SLC44A5: variants seen among roughly 807,000 people sequenced by gnomAD.
The protein encoded by SLC44A5 is solute carrier family 44 member 5, also known as choline transporter-like protein 5.
SLC44A5 carries 57 observed loss-of-function variants against 101.8 expected under a neutral mutation model. That is an observed-to-expected ratio of 0.56 (90% confidence interval 0.45 to 0.70). The LOEUF (loss-of-function observed/expected upper bound fraction) is 0.70, where lower values mean the gene tolerates loss of function less well. Among genes scored for constraint, SLC44A5 ranks in the 30% least tolerant of loss-of-function variants. The pLI is 0.00. For missense variants in SLC44A5, 737 were observed against 853.1 expected (o/e 0.86, Z 1.70); for synonymous variants, 281 against 290.9 (o/e 0.97, Z 0.35).
chr1:75,711,710 T>C, the SLC44A5 span, among the ~76,000 whole-genome samples: 3 of 152,148 alleles, frequency 2.0e-5, no homozygotes, highest in Non-Finnish European at 2.9e-5. Flanking sequence ...AGGCAAGAGA[T>C]GTGGGGGTAC....
chr1:75,494,339 T>A (rs1668565940), intron 2 of SLC44A5, among the ~76,000 whole-genome samples: 1 of 152,108 alleles, frequency 6.6e-6, no homozygotes, highest in Non-Finnish European at 1.5e-5. Flanking sequence ...CCTCCAATGA[T>A]AAAATCAAAC....
chr1:75,659,448 G>GGGAAA, the SLC44A5 span, among the ~76,000 whole-genome samples: 1 of 17,436 alleles, frequency 5.7e-5, no homozygotes, highest in Non-Finnish European at 1.5e-4. Context: ...AGGGAGGGAA[G>GGGAAA]GAAGGAAGGA....
the SLC44A5 span, among the ~76,000 whole-genome samples, chr1:75,672,519 C>A: frequency 6.6e-6 from 1 of 152,278 alleles, no homozygotes; most frequent in Middle Eastern, 3.4e-3. Context: ...GAAAGACAGT[C>A]TAGGCCACAA....
At position 75,588,262 on chromosome 1, in the gene SLC44A5, G is replaced by C. The variant is rs138651627; in HGVS notation, c.-70+22778C>G. On this transcript the variant is annotated intron_variant, in intron 1 of 23. Transcript: ENST00000370859. ...AAGGAAGGAGTGAAGGAGGGAAGGAGGGGGGAGGAAGGGAGGTGGGGAGGA... is the reference window on the plus strand; with the variant it reads ...AAGGAAGGAGTGAAGGAGGGAAGGACGGGGGAGGAAGGGAGGTGGGGAGGA... Among the ~76,000 whole-genome samples, 703 of 148,256 alleles carry C rather than the reference G, an allele frequency of 4.7e-3. 8 individuals carry two copies. The highest frequency in any genetic ancestry group is 0.014 in the African/African-American group (572 of 40,286).
chr1:75,666,563 G>A, the SLC44A5 span, among the ~76,000 whole-genome samples: 1 of 152,180 alleles, frequency 6.6e-6, no homozygotes, highest in Non-Finnish European at 1.5e-5. Flanking sequence ...AATAGAAAAA[G>A]AGGGAATCCT....
rs1373047854 is a variant in SLC44A5 at position 75,505,518 on chromosome 1, T to A, written c.13+35917A>T. 2.6e-5 allele frequency among the ~76,000 whole-genome samples: 4 copies of A among 152,142 alleles called. No individual in the cohort carries two copies. The East Asian group carries it at 7.7e-4, about 29-fold the overall frequency. On this transcript the variant is annotated intron_variant, in intron 2 of 23. Coordinates refer to ENST00000370859, the MANE Select transcript of SLC44A5 (RefSeq NM_001130058.2). ...TTCTCTGCAGCCTCACCATCATCTG[T>A]TATTTTTGGTCTTTTCAATAAGTCA...
At chr1:75,283,142 T>C (rs996923156) in intron 5 of SLC44A5, among the ~76,000 whole-genome samples, 3 of 147,818 alleles carry the variant, frequency 2.0e-5, no homozygotes, top group African/African-American at 7.6e-5. Flanking sequence ...AATATTCCCT[T>C]TTCATCACAT....
At chr1:75,310,193 T>C (rs1655193416) in intron 4 of SLC44A5, among the ~76,000 whole-genome samples, 1 of 152,242 alleles carries the variant, frequency 6.6e-6, no homozygotes, top group African/African-American at 2.4e-5. Context: ...GGTTTAAATT[T>C]CAAGGAATTT....
chr1:75,459,724 A>T (rs1473912988), intron 2 of SLC44A5, among the ~76,000 whole-genome samples: 1 of 152,240 alleles, frequency 6.6e-6, no homozygotes, highest in Non-Finnish European at 1.5e-5. Context: ...AATTCATGGC[A>T]TGTAATGCAG....
At chr1:75,436,203 C>G (rs1557781637) in intron 2 of SLC44A5, among the ~76,000 whole-genome samples, 1 of 151,902 alleles carries the variant, frequency 6.6e-6, no homozygotes, top group Non-Finnish European at 1.5e-5. Flanking sequence ...GTGTAAAACC[C>G]TCAGTTTGGT....
At chr1:75,321,312 G>T (rs887642192) in intron 4 of SLC44A5, among the ~76,000 whole-genome samples, 3 of 152,094 alleles carry the variant, frequency 2.0e-5, no homozygotes, top group African/African-American at 7.2e-5. Context: ...AGACTGAATG[G>T]CTTAAACAAC....
chr1:75,430,709 G>T (rs1194910260), intron 2 of SLC44A5, among the ~76,000 whole-genome samples: 1 of 152,316 alleles, frequency 6.6e-6, no homozygotes, highest in East Asian at 1.9e-4. Flanking sequence ...CAATAGGTTG[G>T]AATGGAGCTC....
the SLC44A5 span, among the ~76,000 whole-genome samples, chr1:75,663,594 A>G: frequency 1.2e-4 from 19 of 152,114 alleles, no homozygotes; most frequent in Non-Finnish European, 2.6e-4. Flanking sequence ...GACATACACA[A>G]TCTCCTTGAA....
intron 3 of SLC44A5, among the ~76,000 whole-genome samples, chr1:75,348,710 C>T (rs1468142527): frequency 6.6e-6 from 1 of 152,010 alleles, no homozygotes; most frequent in Admixed American, 6.6e-5. Context: ...GGAAACAAGA[C>T]ACCAAGAAAG....
In SLC44A5 at chr1:75,536,533, G is replaced by A. The variant is rs570965498; in HGVS notation, c.13+4902C>T. On this transcript the variant is annotated intron_variant, in intron 2 of 23. Coordinates refer to ENST00000370859, the MANE Select transcript of SLC44A5 (RefSeq NM_001130058.2). ...GGAGAATGGCATGAACCCGGGAAGC[G>A]AAGCTTGCAGTGAGCCGAGATCGCG... Among the ~76,000 whole-genome samples, 178 of 145,016 alleles carry A rather than the reference G, an allele frequency of 1.2e-3. 1 individual carries two copies. Among genetic ancestry groups the A allele is most frequent in the African/African-American group, 4.2e-3 (164 of 39,260 alleles).
At position 75,269,230 on chromosome 1, in the gene SLC44A5, T is replaced by C. The variant is rs372385103; in HGVS notation, c.260+5728A>G. The stretch of plus-strand genomic sequence containing the variant: ...CATTATTGGCCATTATATTATTTCC[T>C]GTTTATGACTTTTACCTACTTTCAT... On this transcript the variant is annotated intron_variant, in intron 6 of 23. Coordinates refer to ENST00000370859, the MANE Select transcript of SLC44A5 (RefSeq NM_001130058.2). 1.3e-4 allele frequency among the ~76,000 whole-genome samples: 20 copies of C among 152,136 alleles called. No homozygotes were observed. In the East Asian group the frequency reaches 1.3e-3, roughly 10 times the overall value.
At chr1:75,654,638 A>G in the SLC44A5 span, among the ~76,000 whole-genome samples, 2 of 152,182 alleles carry the variant, frequency 1.3e-5, no homozygotes, top group African/African-American at 4.8e-5. Flanking sequence ...AGAATCTCAC[A>G]AACTAAACTC....
chr1:75,306,505 T>C (rs1414060722), intron 4 of SLC44A5, among the ~76,000 whole-genome samples: 1 of 152,042 alleles, frequency 6.6e-6, no homozygotes, highest in East Asian at 1.9e-4. Flanking sequence ...AGCTTAAACA[T>C]GCTATCTGGA....
At chr1:75,312,602 C>T (rs184744754) in intron 4 of SLC44A5, among the ~76,000 whole-genome samples, 40 of 151,932 alleles carry the variant, frequency 2.6e-4, no homozygotes, top group Admixed American at 2.5e-3. Flanking sequence ...TGTAGCCCCT[C>T]GATCTTGGAC....
Sources: allele counts gnomAD v4.1 joint callset (sites outside exome capture counted in the v4.1 genomes callset), GRCh38; gene constraint gnomAD v4.1.1; transcripts MANE v1.5; gene names NCBI Gene and HGNC (gene_info 2026-07-23, HGNC 2026-07-21).